The following GXYLT2 variants were observed in gnomAD, a reference collection of about 807,000 sequenced individuals.
The protein encoded by GXYLT2 is glucoside xylosyltransferase 2.
GXYLT2 carries 53 observed loss-of-function variants against 45.8 expected under a neutral mutation model. That is an observed-to-expected ratio of 1.16 (90% CI 0.93 to 1.46). The LOEUF is 1.46. Among genes scored for constraint, GXYLT2 ranks in the 40% most tolerant of loss-of-function variants. The pLI, the probability that GXYLT2 is intolerant of heterozygous loss-of-function variation, is 0.00. For missense variants in GXYLT2, 551 were observed against 544.4 expected (o/e 1.01, Z -0.12); for synonymous variants, 219 against 214.2 (o/e 1.02, Z -0.19).
chr3:72,973,236 G>C (rs933105191), intron 6 of GXYLT2, among the ~76,000 whole-genome samples: 2 of 152,188 alleles, frequency 1.3e-5, no homozygotes, highest in African/African-American at 2.4e-5. Context: ...GAGGCTGCTT[G>C]TAAGTCCTAG....
Position 72,902,299 on chromosome 3 carries a change from C to A in GXYLT2, c.276-6068C>A, listed in dbSNP as rs550580922. Among the ~76,000 whole-genome samples the A allele has an allele frequency of 5.9e-5, 9 of 152,196 alleles. No individual in the cohort carries two copies. In the South Asian group the frequency reaches 1.4e-3, roughly 25 times the overall value. ...GTGGCTGTACCAGTTTCTAATCCCA[C>A]CAGCAATGTTTGAGGATCCTAGTTT... On this transcript the variant is annotated intron_variant, in intron 1 of 6. Transcript: ENST00000389617.
rs934988523 is a variant in GXYLT2 at position 72,925,900 on chromosome 3, G to C, written c.600+3565G>C. The stretch of plus-strand genomic sequence containing the variant: ...GAGCCCTCTTTAAAAATAATAAAGA[G>C]AGATTGTGGTTGACAGGACATTTAC... On this transcript the variant is annotated intron_variant, in intron 3 of 6. Transcript: ENST00000389617. Among the ~76,000 whole-genome samples, 6 of 152,182 alleles carry C rather than the reference G, an allele frequency of 3.9e-5. No individual in the cohort carries two copies. In the South Asian group the frequency reaches 1.2e-3, roughly 32 times the overall value.
intron 1 of GXYLT2, among the ~76,000 whole-genome samples, chr3:72,890,028 C>G (rs894003950): frequency 6.6e-6 from 1 of 150,954 alleles, no homozygotes; most frequent in East Asian, 2.0e-4. Flanking sequence ...TCAAGTGATT[C>G]TTGTGCCTCA....
chr3:72,902,009 T>C (rs1014972492), intron 1 of GXYLT2, among the ~76,000 whole-genome samples: 9 of 152,378 alleles, frequency 5.9e-5, no homozygotes, highest in African/African-American at 2.2e-4. Context: ...TGCATCGTTA[T>C]CATACTTGAT....
chr3:72,913,289 C>T (rs1294653311), intron 2 of GXYLT2, among the ~76,000 whole-genome samples: 5 of 151,590 alleles, frequency 3.3e-5, no homozygotes, highest in African/African-American at 7.2e-5. Flanking sequence ...CCGCCCGCCT[C>T]GGCCTCCCAA....
chr3:72,924,100 C>T (rs1458905537), intron 3 of GXYLT2, among the ~76,000 whole-genome samples: 1 of 151,136 alleles, frequency 6.6e-6, no homozygotes, highest in Non-Finnish European at 1.5e-5. Flanking sequence ...GTCATAGTAA[C>T]CAAAAAATAG....
intron 1 of GXYLT2, among the ~76,000 whole-genome samples, chr3:72,898,982 T>C (rs7646020): frequency 0.41 from 61,468 of 151,692 alleles, 13,792 homozygotes; most frequent in African/African-American, 0.58. Context: ...CCGCCTGCCT[T>C]GGCCTCCCAA....
At position 72,912,487 on chromosome 3, in the gene GXYLT2, G is replaced by A. The variant is rs567928466; in HGVS notation, c.468+3928G>A. On this transcript the variant is annotated intron_variant, in intron 2 of 6. Coordinates refer to ENST00000389617, the MANE Select transcript of GXYLT2 (RefSeq NM_001080393.2). ...ACGTTACTAAGTTTTGAGGTAATTG[G>A]TTATAAGGCAACAGTTAATATATTA... Among the ~76,000 whole-genome samples the A allele has an allele frequency of 4.6e-5, 7 of 152,058 alleles. No individual in the cohort carries two copies. The South Asian group carries it at 1.2e-3, about 27-fold the overall frequency.
At position 72,957,337 on chromosome 3, in the gene GXYLT2, T is replaced by G. The variant is rs1409481763; in HGVS notation, c.961T>G (p.Phe321Val). ...WGDQDLLNII[F>V]YFNPECLYVF... ...AGACCAGGATTTATTAAATATTATT[T>G]TTTATTTCAACCCAGGTAGGTTATC... The change falls in exon 5 of 7, where the codon TTT becomes GTT. Residue 321 changes from phenylalanine to valine, a missense_variant. By Grantham distance (50) the Phe-to-Val change is conservative (BLOSUM62 -1). Transcript: ENST00000389617. 6.2e-7 allele frequency: 1 copy of G among 1,610,230 alleles called. No individual in the cohort carries two copies. Among genetic ancestry groups the G allele is most frequent in the East Asian group, 2.2e-5 (1 of 44,686 alleles).
chr3:72,943,042 A>G (rs1710328688), intron 3 of GXYLT2, among the ~76,000 whole-genome samples: 1 of 152,216 alleles, frequency 6.6e-6, no homozygotes, highest in African/African-American at 2.4e-5. Context: ...TAAATTTAAA[A>G]TGATCTCACA....
At chr3:72,900,771 G>A (rs1709388070) in intron 1 of GXYLT2, among the ~76,000 whole-genome samples, 1 of 152,046 alleles carries the variant, frequency 6.6e-6, no homozygotes, top group Admixed American at 6.5e-5. Flanking sequence ...AAATTTTTAC[G>A]ACATCTATCC....
At chr3:72,948,835 C>CAA (rs1234193329) in intron 3 of GXYLT2, among the ~76,000 whole-genome samples, 1,657 of 74,856 alleles carry the variant, frequency 0.022, 49 homozygotes, top group Admixed American at 0.089. Flanking sequence ...GATTCTGTCT[C>CAA]AAAAAAAAAA....
intron 1 of GXYLT2, among the ~76,000 whole-genome samples, chr3:72,892,354 T>C (rs1709199784): frequency 6.6e-6 from 1 of 152,232 alleles, no homozygotes; most frequent in African/African-American, 2.4e-5. Context: ...TCTTTTTTTC[T>C]GTGTTGGCCT....
chr3:72,914,546 T>TGTGCGCGC (rs796221070), intron 2 of GXYLT2, among the ~76,000 whole-genome samples: 1 of 143,734 alleles, frequency 7.0e-6, no homozygotes, highest in African/African-American at 2.7e-5. Context: ...TGTGTGTGTG[T>TGTGCGCGC]GCGCGCGCGC....
chr3:72,923,108 A>T (rs1310029477), intron 3 of GXYLT2, among the ~76,000 whole-genome samples: 1 of 152,188 alleles, frequency 6.6e-6, no homozygotes, highest in African/African-American at 2.4e-5. Context: ...TACAAAAATT[A>T]GCCAGGCTTG....
At chr3:72,895,875 G>T (rs1709281425) in intron 1 of GXYLT2, among the ~76,000 whole-genome samples, 1 of 152,146 alleles carries the variant, frequency 6.6e-6, no homozygotes, top group Non-Finnish European at 1.5e-5. Flanking sequence ...ATCTCTTTTA[G>T]CAACATGAGA....
chr3:72,957,474 C>T (rs1401179364), intron 5 of GXYLT2, 122 bp downstream of exon 5: 4 of 1,014,962 alleles, frequency 3.9e-6, no homozygotes, highest in Non-Finnish European at 5.6e-6. Context: ...GCCTGTGTTC[C>T]CCAGCGAAGT....
intron 6 of GXYLT2, among the ~76,000 whole-genome samples, chr3:72,970,026 G>A (rs913514774): frequency 1.3e-5 from 2 of 151,180 alleles, no homozygotes; most frequent in African/African-American, 4.9e-5. Flanking sequence ...TGAGGTCAGC[G>A]CAGCCAACAT....
intron 1 of GXYLT2, among the ~76,000 whole-genome samples, chr3:72,892,379 C>A (rs995339743): frequency 6.6e-6 from 1 of 152,160 alleles, no homozygotes; most frequent in East Asian, 1.9e-4. Context: ...ATTGTTGTTT[C>A]TCTTAAAATA....
Sources: gnomAD v4.1 joint callset for allele counts (sites outside exome capture counted in the v4.1 genomes callset) on GRCh38, gnomAD v4.1.1 for gene constraint, MANE v1.5 for transcripts, NCBI Gene and HGNC (gene_info 2026-07-23, HGNC 2026-07-21) for gene names.